PBRM1: variants seen among roughly 807,000 people sequenced by gnomAD.
PBRM1 encodes polybromo 1, also known as protein polybromo-1.
Under a neutral mutation model 194.5 loss-of-function variants are expected in PBRM1, and 27 were observed. The observed-to-expected ratio is 0.14, with a 90% CI of 0.10 to 0.19. The LOEUF is 0.19. PBRM1 is among the 10% of genes least tolerant of loss of function. The pLI, the probability that PBRM1 is intolerant of heterozygous loss-of-function variation, is 1.00. For missense variants in PBRM1, 1,466 were observed against 2,077.2 expected, an observed-to-expected ratio of 0.71 and a Z score of 5.72; for synonymous variants, 655 against 693.2, an observed-to-expected ratio of 0.94 and a Z score of 0.87.
chr3:52,590,616 T>C (rs964143701), intron 17 of PBRM1, among the ~76,000 whole-genome samples: 1 of 152,194 alleles, frequency 6.6e-6, no homozygotes, highest in African/African-American at 2.4e-5. Flanking sequence ...ATTTATTTTA[T>C]TCCTCCTGAA....
chr3:52,620,396 T>G (rs2153521086), intron 13 of PBRM1, among the ~76,000 whole-genome samples: 1 of 152,292 alleles, frequency 6.6e-6, no homozygotes, highest in African/African-American at 2.4e-5. Context: ...AGGATGAAAT[T>G]AGTCCTCATT....
chr3:52,579,001 G>A lies in PBRM1; in HGVS notation c.3533+53C>T, dbSNP rs1421496843. ...ATCCGAAGGGTGACTAATTTCTACT[G>A]GTTCCAAATTTCTCAGATTCAACCT... On this transcript the variant is annotated intron_variant, in intron 21 of 29. Coordinates refer to ENST00000296302, the Ensembl canonical transcript of PBRM1. 1.9e-6 allele frequency: 3 copies of A among 1,575,534 alleles called. No individual in the cohort carries two copies. The African/African-American group carries it at 4.0e-5, about 21-fold the overall frequency.
chr3:52,586,748 C>CA (rs35352950), intron 19 of PBRM1, 60 bp from the exon 22 acceptor site: 5,581 of 183,178 alleles, frequency 0.03, 83 homozygotes, highest in African/African-American at 0.049. Context: ...GAAAATCAAT[C>CA]AAAAAAAAAA....
At chr3:52,646,116 T>C (rs1327752058) in intron 7 of PBRM1, among the ~76,000 whole-genome samples, 6 of 152,320 alleles carry the variant, frequency 3.9e-5, no homozygotes, top group Admixed American at 3.9e-4. Context: ...AAACAATTAG[T>C]ACTGTATATT....
intron 22 of PBRM1, among the ~76,000 whole-genome samples, chr3:52,571,038 T>G (rs1252806983): frequency 6.6e-6 from 1 of 151,942 alleles, no homozygotes; most frequent in Non-Finnish European, 1.5e-5. Context: ...TAAAGATTTA[T>G]TCCTGGCTGG....
intron 26 of PBRM1, among the ~76,000 whole-genome samples, chr3:52,557,727 C>G (rs1475689600): frequency 1.3e-5 from 2 of 151,734 alleles, no homozygotes; most frequent in African/African-American, 4.8e-5. Context: ...TGAATAAGGA[C>G]TTTGTATTCT....
At chr3:52,590,395 G>A (rs1378674661) in intron 17 of PBRM1, among the ~76,000 whole-genome samples, 2 of 151,806 alleles carry the variant, frequency 1.3e-5, no homozygotes, top group Non-Finnish European at 2.9e-5. Flanking sequence ...GGTGAATGTT[G>A]TAGTGAGCCA....
intron 13 of PBRM1, among the ~76,000 whole-genome samples, chr3:52,618,699 A>G (rs942503281): frequency 2.7e-5 from 4 of 149,714 alleles, no homozygotes; most frequent in Non-Finnish European, 5.9e-5. Context: ...GGTTCAAGCG[A>G]TTCTCCTGCC....
chr3:52,639,895 G>A (rs2096004485), intron 10 of PBRM1, among the ~76,000 whole-genome samples: 1 of 152,216 alleles, frequency 6.6e-6, no homozygotes, highest in South Asian at 2.1e-4. Context: ...CACTAAGTAT[G>A]TGGTACTGTG....
chr3:52,678,629 A>G (rs746643276), intron 1 of PBRM1, 32 bp from the exon 3 acceptor site: 1 of 1,378,926 alleles, frequency 7.3e-7, no homozygotes, highest in Non-Finnish European at 1.0e-6. Flanking sequence ...AAAAATCACT[A>G]AAAAAGTGAA....
At chr3:52,587,380 T>C (rs762997300) in exon 19 of PBRM1, 2 of 1,610,234 alleles carry the variant, frequency 1.2e-6, no homozygotes, top group Non-Finnish European at 8.5e-7. Flanking sequence ...CACACTTGCC[T>C]AGAATTTTAC....
intron 19 of PBRM1, 65 bp from the exon 22 acceptor site, chr3:52,586,753 A>AG: frequency 9.0e-7 from 1 of 1,117,092 alleles, no homozygotes. Context: ...TCAATCAAAA[A>AG]AAAAAAAAAA....
rs758892837 is a variant in PBRM1 at position 52,609,531 on chromosome 3, G to A, written c.2349C>T (p.His783=). Residue 783 remains histidine (H), a synonymous_variant, in exon 16 of 30, where the codon CAC becomes CAT. Transcript: ENST00000296302. The surrounding 1 kb of genome is among the most constrained non-coding windows in gnomAD (Gnocchi z 4.1). ...GACTCATGACTGACACAAAAAGATT[G>A]TGGATAAGCTCTTGAATCAGCAAAG... 6.2e-7 allele frequency: 1 copy of A among 1,613,874 alleles called. No individual in the cohort carries two copies. Among genetic ancestry groups the A allele is most frequent in the African/African-American group, 1.3e-5 (1 of 75,024 alleles).
At chr3:52,652,424 C>T (rs1458282281) in intron 5 of PBRM1, among the ~76,000 whole-genome samples, 1 of 150,740 alleles carries the variant, frequency 6.6e-6, no homozygotes, top group East Asian at 2.0e-4. Flanking sequence ...CACGGTGGCT[C>T]ACACCTGTAA....
chr3:52,641,263 G>A (rs13086898), intron 10 of PBRM1, among the ~76,000 whole-genome samples: 51,712 of 151,220 alleles, frequency 0.34, 9,859 homozygotes, highest in Admixed American at 0.46. Context: ...CCTGGCCAAT[G>A]TGGTAAAACC....
chr3:52,547,653 T>G (rs930981718), downstream of PBRM1: 1 of 234,128 alleles, frequency 4.3e-6, no homozygotes, highest in Non-Finnish European at 8.4e-6. Context: ...AACTCTTGTG[T>G]GTGTGTGTTT....
At chr3:52,581,936 T>C (rs2153710365) in intron 20 of PBRM1, among the ~76,000 whole-genome samples, 1 of 152,202 alleles carries the variant, frequency 6.6e-6, no homozygotes, top group South Asian at 2.1e-4. Context: ...GAGCACGGCC[T>C]AAAGTTATTC....
chr3:52,608,175 A>G (rs1381187643), intron 16 of PBRM1, among the ~76,000 whole-genome samples: 1 of 152,256 alleles, frequency 6.6e-6, no homozygotes, highest in East Asian at 1.9e-4. Context: ...TTTAGAGCAC[A>G]GAGCTCAAGG....
At chr3:52,578,209 T>C (rs973456272) in intron 21 of PBRM1, among the ~76,000 whole-genome samples, 1 of 152,194 alleles carries the variant, frequency 6.6e-6, no homozygotes, top group African/African-American at 2.4e-5. Flanking sequence ...CTTCTCCCCT[T>C]GTTCTCCTCT....
Sources: allele counts gnomAD v4.1 joint callset (sites outside exome capture counted in the v4.1 genomes callset), GRCh38; gene constraint gnomAD v4.1.1; non-coding constraint Gnocchi (gnomAD v3.1); transcripts MANE v1.5; gene names NCBI Gene and HGNC (gene_info 2026-07-23, HGNC 2026-07-21).